The following RIPK1 variants were observed in gnomAD, a reference collection of about 807,000 sequenced individuals.
RIPK1 encodes receptor-interacting serine/threonine-protein kinase 1.
In RIPK1, 27 loss-of-function variants were observed where a neutral mutation model predicts 62.4. The ratio of observed to expected loss-of-function variants is 0.43; its 90% CI spans 0.32 to 0.60. The LOEUF (loss-of-function observed/expected upper bound fraction) is 0.60, where lower values mean the gene tolerates loss of function less well. Ranked by LOEUF, RIPK1 falls within the 20% of genes least tolerant of loss-of-function variation. RIPK1 has a pLI of 0.07. For missense variants in RIPK1, 735 were observed against 831.0 expected, an observed-to-expected ratio of 0.88 and a Z score of 1.42; for synonymous variants, 287 against 303.2, an observed-to-expected ratio of 0.95 and a Z score of 0.55.
chr6:3,112,906 G>A (rs745997897), intron 10 of RIPK1, 147 bp from the exon 11 acceptor site: 5 of 576,754 alleles, frequency 8.7e-6, no homozygotes, highest in Non-Finnish European at 8.7e-6. Flanking sequence ...ATGTCTGCCA[G>A]TGCATCAACA....
chr6:3,065,229 C>A (rs889834200), upstream of RIPK1, among the ~76,000 whole-genome samples: 1 of 141,286 alleles, frequency 7.1e-6, no homozygotes, highest in Admixed American at 7.4e-5. Context: ...TGCACTCCAG[C>A]ACTCCAGCCT....
intron 8 of RIPK1, among the ~76,000 whole-genome samples, chr6:3,104,537 G>T (rs925497863): frequency 2.6e-5 from 4 of 152,124 alleles, no homozygotes; most frequent in African/African-American, 9.7e-5. Context: ...TGAACAAAAG[G>T]CCTAATATAT....
In RIPK1 at chr6:3,085,355, G is replaced by C; in HGVS notation, c.785G>C (p.Ser262Thr). The part of the protein sequence containing the change: ...ITEYCPREII[S>T]LMKLCWEANP... ...GAGTACTGCCCAAGAGAAATTATCA[G>C]TCTCATGAAGCTCTGCTGGGAAGCG... is the stretch of plus-strand genomic sequence containing the variant. Residue 262 changes from serine to threonine, a missense_variant, in exon 6 of 11, where the codon AGT (serine) becomes ACT (threonine). Ser to Thr is a moderately conservative substitution (Grantham distance 58). Around this residue, in one of 2 missense-constraint regions of RIPK1, gnomAD observed 671 missense variants for 726.2 expected, o/e 0.92. Transcript: ENST00000259808. 6.2e-7 allele frequency: 1 copy of C among 1,614,224 alleles called. No individual in the cohort carries two copies. Among genetic ancestry groups the C allele is most frequent in the Non-Finnish European group, 8.5e-7 (1 of 1,180,036 alleles).
Position 3,105,869 on chromosome 6 carries a change from A to G in RIPK1, c.1394A>G (p.Asn465Ser), listed in dbSNP as rs1561774476. The G allele has an allele frequency of 2.5e-6, 4 of 1,614,122 alleles. No individual in the cohort carries two copies. Among genetic ancestry groups the G allele is most frequent in the Non-Finnish European group, 3.4e-6 (4 of 1,180,050 alleles). Residue 465 changes from asparagine (N) to serine (S), a missense_variant, in exon 9 of 11, where the codon AAC (asparagine) becomes AGC (serine). Transcript: ENST00000259808. This position sits in a 1 kb window ranked among gnomAD's most constrained non-coding sequence, Gnocchi z 4.5. ...AGCCAACCTCAAGTACTGTATCAGA[A>G]CAATGGATTATATAGCTCACATGGC... ...LTSQPQVLYQ[N>S]NGLYSSHGFG...
intron 9 of RIPK1, among the ~76,000 whole-genome samples, chr6:3,108,778 C>T (rs1561777214): frequency 6.6e-6 from 1 of 152,184 alleles, no homozygotes; most frequent in African/African-American, 2.4e-5. Flanking sequence ...GCTTCACGAA[C>T]ACCCTGAATT....
rs199834533 is a variant in RIPK1 at position 3,106,066 on chromosome 6, G to A, written c.1576+15G>A. On this transcript the variant is annotated intron_variant, in intron 9 of 10. Coordinates refer to ENST00000259808, the MANE Select transcript of RIPK1 (RefSeq NM_001354930.2). Reference sequence around the variant, plus strand: ...GCCACCAACAGGTAAATGGGTCTTCGATAGTCACAAGCTTGTCTTTTTTTA... The same window carrying A: ...GCCACCAACAGGTAAATGGGTCTTCAATAGTCACAAGCTTGTCTTTTTTTA... 391 of 1,540,658 alleles carry A rather than the reference G, an allele frequency of 2.5e-4. 2 individuals carry two copies. Among genetic ancestry groups the A allele is most frequent in the Middle Eastern group, 2.2e-3 (13 of 5,828 alleles).
At chr6:3,094,023 ACCTGCCGCACCTAGTAACTGCAGC>A (rs1156596121) in intron 7 of RIPK1, among the ~76,000 whole-genome samples, 5 of 142,350 alleles carry the variant, frequency 3.5e-5, no homozygotes, top group African/African-American at 1.4e-4. Context: ...CAGCGCGCCT[ACCTGCCGCACCTAGTAACTGCAGC>A]GCGCCTACCT....
At chr6:3,087,427 T>TG (rs1157698307) in intron 6 of RIPK1, among the ~76,000 whole-genome samples, 13 of 152,208 alleles carry the variant, frequency 8.5e-5, no homozygotes, top group Admixed American at 2.0e-4. Flanking sequence ...TTTTTGTTTT[T>TG]TTTGTTTTTG....
intron 10 of RIPK1, among the ~76,000 whole-genome samples, chr6:3,111,222 A>G (rs1761140177): frequency 6.6e-6 from 1 of 152,214 alleles, no homozygotes; most frequent in African/African-American, 2.4e-5. Flanking sequence ...ACTGCCTGGC[A>G]CATAGTAAGT....
At chr6:3,100,086 C>A (rs1030489352) in intron 7 of RIPK1, among the ~76,000 whole-genome samples, 1 of 152,082 alleles carries the variant, frequency 6.6e-6, no homozygotes, top group Admixed American at 6.6e-5. Context: ...AAAAATAAGT[C>A]ACAAAACAAT....
intron 7 of RIPK1, among the ~76,000 whole-genome samples, chr6:3,100,839 C>A (rs1332974701): frequency 6.6e-6 from 1 of 151,970 alleles, no homozygotes; most frequent in East Asian, 1.9e-4. Flanking sequence ...GCGATCTGCT[C>A]GCCTCGGCCT....
At chr6:3,108,079 TAGA>T (rs1215447815) in intron 9 of RIPK1, among the ~76,000 whole-genome samples, 4 of 151,794 alleles carry the variant, frequency 2.6e-5, no homozygotes, top group Non-Finnish European at 5.9e-5. Context: ...TGCCATACCA[TAGA>T]AGAAGGGTGT....
chr6:3,096,151 A>G (rs1760278858), intron 7 of RIPK1, among the ~76,000 whole-genome samples: 2 of 152,142 alleles, frequency 1.3e-5, no homozygotes, highest in Admixed American at 1.3e-4. Flanking sequence ...CTTTCTCTGA[A>G]ATAATATGCA....
upstream of RIPK1, among the ~76,000 whole-genome samples, chr6:3,065,052 C>T (rs1758314153): frequency 6.6e-6 from 1 of 151,632 alleles, no homozygotes; most frequent in Non-Finnish European, 1.5e-5. Flanking sequence ...ACCATCCTGG[C>T]TAACACTGTG....
At position 3,081,844 on chromosome 6, in the gene RIPK1, G is replaced by C. The variant is rs186495256; in HGVS notation, c.459+728G>C. Among the ~76,000 whole-genome samples the C allele has an allele frequency of 8.2e-3, 915 of 111,318 alleles. 10 individuals are homozygous for C. Among genetic ancestry groups the C allele is most frequent in the African/African-American group, 0.031 (882 of 28,070 alleles). The allele number at this position is 111,318 out of a possible 152,430, so 73.0% of individuals were successfully genotyped here. A position where few individuals can be genotyped will look rare whatever the true frequency, so the allele number is the denominator to read the frequency against. On this transcript the variant is annotated intron_variant, in intron 4 of 10. Coordinates refer to ENST00000259808, the MANE Select transcript of RIPK1 (RefSeq NM_001354930.2). ...CATCGCACTCCAGCCTGGGCAACAA[G>C]AGCGAAACTCTGCCTTAAAAAAAAA...
intron 1 of RIPK1, among the ~76,000 whole-genome samples, chr6:3,069,915 G>A (rs1284631664): frequency 2.6e-5 from 4 of 152,144 alleles, no homozygotes; most frequent in African/African-American, 9.7e-5. Context: ...GGAGGCTGAG[G>A]CAGGAGAATG....
At position 3,105,439 on chromosome 6, in the gene RIPK1, A is replaced by G. The variant is rs747352306; in HGVS notation, c.1007-43A>G. 3 of 1,404,132 alleles carry G rather than the reference A, an allele frequency of 2.1e-6. No individual in the cohort carries two copies. Among genetic ancestry groups the G allele is most frequent in the African/African-American group, 1.4e-5 (1 of 69,404 alleles). The allele number at this position is 1,404,132 out of a possible 1,614,324, so 87.0% of individuals were successfully genotyped here. On this transcript the variant is annotated intron_variant, in intron 8 of 10. Transcript: ENST00000259808. This position sits in a 1 kb window ranked among gnomAD's most constrained non-coding sequence, Gnocchi z 4.5. ...CGCTCAGATTTTATTTTACTTTTTA[A>G]TGTTTCATGACACCCATTCTAATGT...
Position 3,068,544 on chromosome 6 carries a change from C to T in RIPK1, c.-178C>T, listed in dbSNP as rs1758500918. On this transcript the variant is annotated 5_prime_UTR_variant, in exon 1 of 11. Coordinates refer to ENST00000259808, the MANE Select transcript of RIPK1 (RefSeq NM_001354930.2). Reference sequence around the variant, plus strand: ...CTCGACGCGGACGGCGGGCCAGCTGCCGGAGCGCGGCGACTCCAGGGGACC... The same window carrying T: ...CTCGACGCGGACGGCGGGCCAGCTGTCGGAGCGCGGCGACTCCAGGGGACC... 1 of 985,338 alleles carries T rather than the reference C, an allele frequency of 1.0e-6. No homozygotes were observed. 61.0% of individuals were successfully genotyped at this position (985,338 alleles called of 1,614,324 possible).
intron 3 of RIPK1, among the ~76,000 whole-genome samples, chr6:3,078,186 C>T (rs1324671211): frequency 1.3e-5 from 2 of 152,178 alleles, no homozygotes; most frequent in African/African-American, 4.8e-5. Context: ...GCTGGATTTC[C>T]TGAAGTCAGT....
Sources: gnomAD v4.1 joint callset for allele counts (sites outside exome capture counted in the v4.1 genomes callset) on GRCh38, gnomAD v4.1.1 for gene constraint, gnomAD v4.1.1 regional missense constraint, Gnocchi (gnomAD v3.1) non-coding constraint, MANE v1.5 for transcripts, NCBI Gene and HGNC (gene_info 2026-07-23, HGNC 2026-07-21) for gene names.